KIF23: variants seen among roughly 807,000 people sequenced by gnomAD.
The protein encoded by KIF23 is kinesin-like protein KIF23.
In KIF23, 30 loss-of-function variants were observed where a neutral mutation model predicts 137.5. That is an observed-to-expected ratio of 0.22 (90% CI 0.16 to 0.30). The LOEUF (loss-of-function observed/expected upper bound fraction) is 0.30. Ranked by LOEUF, KIF23 falls within the 10% of genes least tolerant of loss-of-function variation. The pLI, the probability that KIF23 is intolerant of heterozygous loss-of-function variation, is 1.00. For synonymous variants in KIF23, 367 were observed against 391.1 expected (o/e 0.94, Z 0.73); for missense variants, 920 against 1,194.3 (o/e 0.77, Z 3.38).
chr15:69,415,929 G>A, intron 1 of KIF23, 65 bp from the exon 2 acceptor site: 7 of 1,172,800 alleles, frequency 6.0e-6, no homozygotes, highest in Non-Finnish European at 7.1e-6. Context: ...TAAGTTTTAG[G>A]TGAGGCTTTT....
chr15:69,435,796 A>G, intron 13 of KIF23, 25 bp downstream of exon 13: 1 of 1,602,950 alleles, frequency 6.2e-7, no homozygotes, highest in South Asian at 1.1e-5. Flanking sequence ...TTTGTCCTAT[A>G]AAGTCTTGAG....
At chr15:69,421,935 A>G in intron 4 of KIF23, 57 bp from the exon 5 acceptor site, 1 of 1,588,212 alleles carries the variant, frequency 6.3e-7, no homozygotes, top group South Asian at 1.1e-5. Context: ...GCAGTGAAGA[A>G]ATACTCTAAG....
intron 10 of KIF23, 21 bp from the exon 11 acceptor site, chr15:69,429,090 T>C (rs375093364): frequency 8.5e-6 from 13 of 1,530,186 alleles, no homozygotes; most frequent in East Asian, 4.5e-5. Flanking sequence ...TTTTAAGTTA[T>C]TGGCTTTGTG....
intron 10 of KIF23, 116 bp downstream of exon 10, chr15:69,426,573 C>T: frequency 2.7e-6 from 3 of 1,126,992 alleles, no homozygotes; most frequent in Admixed American, 2.1e-5. Context: ...GAAAAATCAG[C>T]CAGGCATGGT....
intron 8 of KIF23, 45 bp from the exon 9 acceptor site, chr15:69,426,025 G>A: frequency 2.6e-6 from 3 of 1,160,220 alleles, no homozygotes; most frequent in Non-Finnish European, 3.6e-6. Context: ...GAAGATACCA[G>A]CATCTCATAA....
Position 69,436,148 on chromosome 15 carries a change from G to A in KIF23, c.1325G>A (p.Arg442Lys). The A allele has an allele frequency of 6.2e-7, 1 of 1,613,110 alleles. No homozygotes were observed. The highest frequency in any genetic ancestry group is 8.5e-7 in the Non-Finnish European group (1 of 1,179,726). Residue 442 changes from arginine (R) to lysine (K), a missense_variant, in exon 14 of 24, where the codon AGA becomes AAA. This residue lies in a region of KIF23 where 714 missense variants were observed against 866.2 expected (regional missense o/e 0.82). Coordinates refer to ENST00000679126, the MANE Select transcript of KIF23 (RefSeq NM_001367805.3). ...EDYEENLQVM[R>K]FAEVTQEVEV... ...TGTTTTGTGTTTTAGCAAGTCATGAGATTTGCGGAAGTGACTCAAGAAGTT... is the reference window on the plus strand; with the variant it reads ...TGTTTTGTGTTTTAGCAAGTCATGAAATTTGCGGAAGTGACTCAAGAAGTT...
Position 69,426,349 on chromosome 15 carries a change from A to T in KIF23, c.903A>T (p.Arg301Ser), listed in dbSNP as rs1450199984. ...CTGTTGTCCTAGGCCAGAAAAAGAG[A>T]CGTATTGCTAATACCCATTTGAATC... The part of the protein sequence containing the change: ...FEVFWRGQKK[R>S]RIANTHLNRE... Residue 301 changes from arginine to serine, a missense_variant, in exon 10 of 24, where the codon AGA (arginine) becomes AGT (serine). By Grantham distance (110) the Arg-to-Ser change is moderately radical. Transcript: ENST00000679126. 2 of 1,614,046 alleles carry T rather than the reference A, an allele frequency of 1.2e-6. No individual in the cohort carries two copies. Among genetic ancestry groups the T allele is most frequent in the Non-Finnish European group, 1.7e-6 (2 of 1,180,030 alleles).
At chr15:69,420,778 G>A (rs1567058489) in intron 3 of KIF23, among the ~76,000 whole-genome samples, 1 of 151,724 alleles carries the variant, frequency 6.6e-6, no homozygotes, top group African/African-American at 2.4e-5. Context: ...TTTTGGTGAG[G>A]TTTTTTTGTT....
At chr15:69,435,113 A>G (rs1266611870) in intron 11 of KIF23, 4 of 477,910 alleles carry the variant, frequency 8.4e-6, no homozygotes, top group Admixed American at 3.6e-5. Flanking sequence ...GGGGGTCGCC[A>G]TGATTCCTGT....
At chr15:69,431,691 GA>G (rs1379006502) in intron 11 of KIF23, among the ~76,000 whole-genome samples, 1 of 152,200 alleles carries the variant, frequency 6.6e-6, no homozygotes, top group Non-Finnish European at 1.5e-5. Context: ...AACAAGCTGA[GA>G]GCAGAAGCTT....
In KIF23 at chr15:69,446,294, G is replaced by A. The variant is rs201461078; in HGVS notation, c.2768G>A (p.Arg923Gln). ...KQESPNGSRK[R>Q]RSSTVAPAQP... ...TTCCCCTTTTTCAGTAGTCGAAAAC[G>A]AAGATCTTCCACAGTAGCACCTGCC... Residue 923 changes from arginine (R) to glutamine (Q), a missense_variant, in exon 22 of 24, where the codon CGA becomes CAA. Physicochemically the swap from Arg to Gln is conservative, Grantham distance 43. Coordinates refer to ENST00000679126, the MANE Select transcript of KIF23 (RefSeq NM_001367805.3). 5 of 1,613,972 alleles carry A rather than the reference G, an allele frequency of 3.1e-6. No individual in the cohort carries two copies. The highest frequency in any genetic ancestry group is 2.2e-5 in the East Asian group (1 of 44,880).
rs1423510076 is a variant in KIF23 at position 69,440,867 on chromosome 15, G to C, written c.2209G>C (p.Ala737Pro). The C allele has an allele frequency of 1.2e-6, 2 of 1,614,144 alleles. No homozygotes were observed. The highest frequency in any genetic ancestry group is 3.3e-5 in the Admixed American group (2 of 60,020). The change falls in exon 19 of 24, where the codon GCT becomes CCT. Residue 737 changes from alanine (A) to proline (P), a missense_variant. Physicochemically the swap from Ala to Pro is conservative, Grantham distance 27. Transcript: ENST00000679126. ...RSNSCSSISV[A>P]SCISEWEQKI... The stretch of plus-strand genomic sequence containing the variant: ...TAACTCTTGCAGCAGCATTTCTGTA[G>C]CTTCCTGTATTTCGGAATGGGAGCA...
Position 69,440,758 on chromosome 15 carries a change from A to G in KIF23, c.2110-10A>G, listed in dbSNP as rs775119915. ...AGTCTTGCTCATTAATTTTTCTCCAATTTTTCTAGCTTTCTAGTAACTATA... is the reference window on the plus strand; with the variant it reads ...AGTCTTGCTCATTAATTTTTCTCCAGTTTTTCTAGCTTTCTAGTAACTATA... On this transcript the variant is annotated splice_polypyrimidine_tract_variant and intron_variant, in intron 18 of 23. Transcript: ENST00000679126. The G allele has an allele frequency of 1.9e-6, 3 of 1,575,172 alleles. No homozygotes were observed. The highest frequency in any genetic ancestry group is 2.2e-5 in the East Asian group (1 of 44,490).
Position 69,448,374 on chromosome 15 carries a change from T to G in KIF23, c.*567T>G, listed in dbSNP as rs1430080820. ...TGAATTCTGTATGTATATATTCACT[T>G]TCTGACATTTAGATATGCCAAAAGA... On this transcript the variant is annotated 3_prime_UTR_variant, in exon 24 of 24. Coordinates refer to ENST00000679126, the MANE Select transcript of KIF23 (RefSeq NM_001367805.3). 6.6e-6 allele frequency: 1 copy of G among 152,598 alleles called. No homozygotes were observed. The highest frequency in any genetic ancestry group is 1.5e-5 in the Non-Finnish European group (1 of 68,042). 9.5% of individuals were successfully genotyped at this position (152,598 alleles called of 1,614,324 possible).
chr15:69,427,635 T>C, intron 10 of KIF23: 1 of 344,582 alleles, frequency 2.9e-6, no homozygotes, highest in South Asian at 2.3e-5. Flanking sequence ...CATATGCAGA[T>C]CACTATTTAC....
Position 69,428,532 on chromosome 15 carries a change from C to T in KIF23, c.1012-579C>T, listed in dbSNP as rs193273870. Among the ~76,000 whole-genome samples the T allele has an allele frequency of 5.6e-3, 842 of 151,508 alleles. 4 individuals carry two copies. Among genetic ancestry groups the T allele is most frequent in the Non-Finnish European group, 8.5e-3 (579 of 67,842 alleles). On this transcript the variant is annotated intron_variant, in intron 10 of 23. Transcript: ENST00000679126. Reference sequence around the variant, plus strand: ...AAAATGAGCTGGGCATGGTGGCACACGCCTGTAATCCCAGTTACTCGGAAG... The same window carrying T: ...AAAATGAGCTGGGCATGGTGGCACATGCCTGTAATCCCAGTTACTCGGAAG...
chr15:69,431,699 G>A (rs1301084684), intron 11 of KIF23, among the ~76,000 whole-genome samples: 1 of 152,192 alleles, frequency 6.6e-6, no homozygotes, highest in Non-Finnish European at 1.5e-5. Flanking sequence ...GAGAGCAGAA[G>A]CTTGAGGAAC....
Position 69,435,721 on chromosome 15 carries a change from C to A in KIF23, c.1264C>A (p.Arg422=), listed in dbSNP as rs763569921. 6.2e-7 allele frequency: 1 copy of A among 1,614,100 alleles called. No homozygotes were observed. The highest frequency in any genetic ancestry group is 1.7e-5 in the Admixed American group (1 of 60,016). ...KNYFDGEGKV[R]MIVCVNPKAE... is the part of the protein sequence containing the mutation. ...CTACTTTGATGGGGAAGGAAAAGTG[C>A]GGATGATCGTGTGTGTGAACCCCAA... Residue 422 remains arginine, a synonymous_variant, in exon 13 of 24, where the codon CGG becomes AGG. Coordinates refer to ENST00000679126, the MANE Select transcript of KIF23 (RefSeq NM_001367805.3).
At position 69,438,386 on chromosome 15, in the gene KIF23, A is replaced by G; in HGVS notation, c.1736A>G (p.Asn579Ser). The stretch of plus-strand genomic sequence containing the variant: ...GAAATAGAACGACTGGAAAAGAAAA[A>G]CAAAACTTTAGAATATAAGGTTTGT... The part of the protein sequence containing the change: ...KLEIERLEKK[N>S]KTLEYKIEIL... Residue 579 changes from asparagine (N) to serine (S), a missense_variant, in exon 16 of 24, where the codon AAC (asparagine) becomes AGC (serine). Physicochemically the swap from Asn to Ser is conservative, Grantham distance 46. This residue lies in a region of KIF23 where 714 missense variants were observed against 866.2 expected (regional missense o/e 0.82). Coordinates refer to ENST00000679126, the MANE Select transcript of KIF23 (RefSeq NM_001367805.3). 3.1e-6 allele frequency: 5 copies of G among 1,606,680 alleles called. No homozygotes were observed. Among genetic ancestry groups the G allele is most frequent in the Non-Finnish European group, 4.2e-6 (5 of 1,178,354 alleles).
Sources: gnomAD v4.1 joint callset for allele counts (sites outside exome capture counted in the v4.1 genomes callset) on GRCh38, gnomAD v4.1.1 for gene constraint, gnomAD v4.1.1 regional missense constraint, MANE v1.5 for transcripts, NCBI Gene and HGNC (gene_info 2026-07-23, HGNC 2026-07-21) for gene names.